ASPH: variants seen among roughly 807,000 people sequenced by gnomAD.
ASPH encodes aspartate beta-hydroxylase.
ASPH carries 100 observed loss-of-function variants against 118.4 expected under a neutral mutation model. The ratio of observed to expected loss-of-function variants is 0.84; its 90% confidence interval spans 0.72 to 1.00. ASPH has a LOEUF of 1.00. Among genes scored for constraint, ASPH ranks in the 50% least tolerant of loss-of-function variants. The pLI, the probability that ASPH is intolerant of heterozygous loss-of-function variation, is 0.00. For synonymous variants in ASPH, 315 were observed against 325.6 expected (o/e 0.97, Z 0.35); for missense variants, 920 against 919.5 (o/e 1.00, Z -0.01).
At position 61,682,472 on chromosome 8, in the gene ASPH, C is replaced by A. The variant is rs1044343135; in HGVS notation, c.254-1436G>T. ...ACCTCTGATAAGTTATAACGGAAGT[C>A]CTTTGCTTTGGCTGCATGCATGTAA... On this transcript the variant is annotated intron_variant, in intron 2 of 24. Transcript: ENST00000379454. 3.1e-6 allele frequency: 5 copies of A among 1,612,564 alleles called. No homozygotes were observed. The African/African-American group carries it at 6.7e-5, about 22-fold the overall frequency.
intron 1 of ASPH, among the ~76,000 whole-genome samples, chr8:61,710,102 G>A (rs975879322): frequency 5.3e-5 from 8 of 152,128 alleles, no homozygotes; most frequent in African/African-American, 9.7e-5. Flanking sequence ...GTACTTTAAC[G>A]GAAACAACTG....
intron 14 of ASPH, among the ~76,000 whole-genome samples, chr8:61,591,083 A>G (rs140591090): frequency 2.6e-5 from 4 of 152,244 alleles, no homozygotes; most frequent in South Asian, 2.1e-4. Flanking sequence ...CCCTTGCTGG[A>G]TTGTTAATTT....
At chr8:61,550,532 C>T (rs1050431694) in intron 20 of ASPH, among the ~76,000 whole-genome samples, 2 of 151,610 alleles carry the variant, frequency 1.3e-5, no homozygotes, top group Non-Finnish European at 2.9e-5. Context: ...ATGACTGGAT[C>T]CCAGAAAAGC....
intron 1 of ASPH, among the ~76,000 whole-genome samples, chr8:61,692,953 A>G (rs1321951609): frequency 6.6e-6 from 1 of 151,956 alleles, no homozygotes; most frequent in Non-Finnish European, 1.5e-5. Flanking sequence ...GAAGGAAAAA[A>G]AAAAAAGAAA....
chr8:61,591,441 A>G (rs1841103986), intron 14 of ASPH, among the ~76,000 whole-genome samples: 1 of 151,970 alleles, frequency 6.6e-6, no homozygotes, highest in South Asian at 2.1e-4. Context: ...CCCACTGAAG[A>G]TCTTGTAGGG....
At chr8:61,585,967 T>C (rs1047836875) in intron 14 of ASPH, among the ~76,000 whole-genome samples, 2 of 152,240 alleles carry the variant, frequency 1.3e-5, no homozygotes, top group Non-Finnish European at 2.9e-5. Flanking sequence ...GTGCTTGGCA[T>C]ACAGTAAGTG....
intron 1 of ASPH, among the ~76,000 whole-genome samples, chr8:61,700,660 A>G (rs144584092): frequency 6.6e-6 from 1 of 152,340 alleles, no homozygotes; most frequent in Non-Finnish European, 1.5e-5. Context: ...TTTCACAGGA[A>G]ACAAACAACG....
intron 1 of ASPH, chr8:61,687,779 T>C (rs969874261): frequency 2.0e-5 from 3 of 152,240 alleles, no homozygotes; most frequent in African/African-American, 7.2e-5. Context: ...TAAAGAGATT[T>C]ATCACTTTAA....
chr8:61,542,091 G>A (rs1168797878), intron 21 of ASPH, among the ~76,000 whole-genome samples: 2 of 152,030 alleles, frequency 1.3e-5, no homozygotes, highest in African/African-American at 4.8e-5. Context: ...AATTTGTTGG[G>A]GCTTGTTTTA....
chr8:61,585,723 T>A (rs899007077), intron 14 of ASPH, among the ~76,000 whole-genome samples: 1 of 152,160 alleles, frequency 6.6e-6, no homozygotes. Flanking sequence ...ACCTTTCCTG[T>A]CAGCACTTTG....
At position 61,581,455 on chromosome 8, in the gene ASPH, G is replaced by A. The variant is rs572762609; in HGVS notation, c.1062+2489C>T. 6.5e-4 allele frequency among the ~76,000 whole-genome samples: 99 copies of A among 152,302 alleles called. 1 individual carries two copies. The South Asian group carries it at 0.019, about 29-fold the overall frequency. ...TTGACATGAGGCCAATGGGCTGTGC[G>A]GAAGGATAATAAGATACATTCCTGC... is the stretch of plus-strand genomic sequence containing the variant. On this transcript the variant is annotated intron_variant, in intron 15 of 24. Transcript: ENST00000379454.
intron 13 of ASPH, among the ~76,000 whole-genome samples, chr8:61,632,902 A>G (rs577798713): frequency 6.6e-6 from 1 of 152,330 alleles, no homozygotes; most frequent in Non-Finnish European, 1.5e-5. Flanking sequence ...AATATAAGTA[A>G]AGGTTGAACA....
chr8:61,523,188 G>A (rs1005817727), intron 22 of ASPH, among the ~76,000 whole-genome samples: 4 of 151,928 alleles, frequency 2.6e-5, no homozygotes, highest in Non-Finnish European at 5.9e-5. Context: ...TATGACGTCC[G>A]CCCCTGTCCC....
chr8:61,626,356 C>T (rs1313207414), intron 13 of ASPH: 2 of 1,357,178 alleles, frequency 1.5e-6, no homozygotes, highest in Non-Finnish European at 1.9e-6. Flanking sequence ...TTTCATTCTA[C>T]TTTTTAAAAA....
chr8:61,634,464 G>A (rs1856900580), intron 12 of ASPH, among the ~76,000 whole-genome samples: 1 of 152,120 alleles, frequency 6.6e-6, no homozygotes, highest in Admixed American at 6.6e-5. Context: ...CACTTATGGA[G>A]CTATTTTAAT....
chr8:61,552,017 T>C (rs995149968), intron 20 of ASPH, among the ~76,000 whole-genome samples: 4 of 152,336 alleles, frequency 2.6e-5, no homozygotes, highest in African/African-American at 9.6e-5. Flanking sequence ...TAGCAGACAA[T>C]TACGTTATCA....
At chr8:61,539,553 C>T (rs1320417494) in intron 21 of ASPH, among the ~76,000 whole-genome samples, 2 of 152,042 alleles carry the variant, frequency 1.3e-5, no homozygotes, top group Non-Finnish European at 2.9e-5. Flanking sequence ...CTCCTGAGAC[C>T]TTACTGGGAA....
intron 14 of ASPH, among the ~76,000 whole-genome samples, chr8:61,598,053 G>A (rs930991835): frequency 1.3e-5 from 2 of 152,146 alleles, no homozygotes; most frequent in East Asian, 1.9e-4. Flanking sequence ...GACGATAAAG[G>A]AGCAAAAAAT....
chr8:61,665,587 T>C, intron 3 of ASPH: 1 of 1,577,146 alleles, frequency 6.3e-7, no homozygotes, highest in Non-Finnish European at 8.6e-7. Flanking sequence ...TCTTGAGCTC[T>C]TCTTTAGTGA....
Sources: gnomAD v4.1 joint callset for allele counts (sites outside exome capture counted in the v4.1 genomes callset) on GRCh38, gnomAD v4.1.1 for gene constraint, MANE v1.5 for transcripts, NCBI Gene and HGNC (gene_info 2026-07-23, HGNC 2026-07-21) for gene names.